Variants in HNRNPC observed in about 807,000 individuals in gnomAD.
HNRNPC encodes heterogeneous nuclear ribonucleoproteins C1/C2.
Under a neutral mutation model 33.2 loss-of-function variants are expected in HNRNPC, and 3 were observed. The ratio of observed to expected loss-of-function variants is 0.09; its 90% CI spans 0.04 to 0.23. The LOEUF is 0.23. HNRNPC is among the 10% of genes least tolerant of loss of function. The pLI is 1.00. For synonymous variants in HNRNPC, 121 were observed against 126.7 expected (o/e 0.96, Z 0.30); for missense variants, 143 against 366.7 (o/e 0.39, Z 4.98).
chr14:21,224,392 A>C (rs1893181029), intron 5 of HNRNPC, among the ~76,000 whole-genome samples: 1 of 152,198 alleles, frequency 6.6e-6, no homozygotes, highest in Non-Finnish European at 1.5e-5. Flanking sequence ...AACCAGCAGC[A>C]AAATTGCTTG....
At chr14:21,238,908 C>T (rs1895032040) in intron 2 of HNRNPC, among the ~76,000 whole-genome samples, 1 of 152,192 alleles carries the variant, frequency 6.6e-6, no homozygotes, top group Admixed American at 6.5e-5. Flanking sequence ...AGGCAGTTCA[C>T]ATCAGGTCAG....
chr14:21,256,263 T>C (rs1258737880), intron 2 of HNRNPC, among the ~76,000 whole-genome samples: 2 of 152,042 alleles, frequency 1.3e-5, no homozygotes, highest in South Asian at 2.1e-4. Flanking sequence ...CTGGCCAACA[T>C]GGTGCAACCC....
chr14:21,239,076 A>G (rs1002106063), intron 2 of HNRNPC, among the ~76,000 whole-genome samples: 1 of 152,074 alleles, frequency 6.6e-6, no homozygotes, highest in Non-Finnish European at 1.5e-5. Flanking sequence ...GTGAGCCGAG[A>G]TCGTGCTAAT....
At chr14:21,231,496 G>C (rs999633157) in intron 3 of HNRNPC, 1 of 421,778 alleles carries the variant, frequency 2.4e-6, no homozygotes, top group Non-Finnish European at 4.8e-6. Context: ...CACCACGCCT[G>C]GTTAATTTTT....
At chr14:21,251,047 G>A (rs1896595609) in intron 2 of HNRNPC, among the ~76,000 whole-genome samples, 1 of 151,992 alleles carries the variant, frequency 6.6e-6, no homozygotes, top group Non-Finnish European at 1.5e-5. Flanking sequence ...AGATCACGAG[G>A]TCAGGAGATC....
intron 5 of HNRNPC, among the ~76,000 whole-genome samples, chr14:21,228,954 G>A (rs1893787037): frequency 6.6e-6 from 1 of 151,512 alleles, no homozygotes; most frequent in Non-Finnish European, 1.5e-5. Flanking sequence ...GAGTGGTGGT[G>A]CATGCCTGTA....
At chr14:21,236,915 C>G (rs1217046352) in intron 2 of HNRNPC, among the ~76,000 whole-genome samples, 1 of 152,090 alleles carries the variant, frequency 6.6e-6, no homozygotes, top group Non-Finnish European at 1.5e-5. Context: ...TAAAGGCAAG[C>G]CAGCATATAT....
intron 2 of HNRNPC, among the ~76,000 whole-genome samples, chr14:21,247,264 A>T (rs1896085363): frequency 6.6e-6 from 1 of 152,204 alleles, no homozygotes; most frequent in Non-Finnish European, 1.5e-5. Flanking sequence ...ATCACTAAAG[A>T]TCACATATAG....
intron 2 of HNRNPC, among the ~76,000 whole-genome samples, chr14:21,247,640 G>A (rs1566631522): frequency 6.6e-6 from 1 of 151,918 alleles, no homozygotes; most frequent in African/African-American, 2.4e-5. Flanking sequence ...GAAGTAAACT[G>A]AAAGTGGATA....
Position 21,222,447 on chromosome 14 carries a change from G to A in HNRNPC, c.365+7872C>T, listed in dbSNP as rs193030697. 6.6e-5 allele frequency among the ~76,000 whole-genome samples: 10 copies of A among 151,736 alleles called. No individual in the cohort carries two copies. The East Asian group carries it at 1.9e-3, about 29-fold the overall frequency. The stretch of plus-strand genomic sequence containing the variant: ...TCATATAAATGGAATCGTACAATGT[G>A]TGTCTTGTGACTGGCTTTGTCTGCT... On this transcript the variant is annotated intron_variant, in intron 5 of 8. Coordinates refer to ENST00000553300, the MANE Select transcript of HNRNPC (RefSeq NM_004500.4).
chr14:21,211,690 T>A, intron 7 of HNRNPC, 120 bp downstream of exon 7: 1 of 1,409,186 alleles, frequency 7.1e-7, no homozygotes, highest in South Asian at 1.3e-5. Flanking sequence ...CCCTTCCCAA[T>A]TCACACTCCC....
At chr14:21,245,910 G>A (rs992396953) in intron 2 of HNRNPC, among the ~76,000 whole-genome samples, 2 of 151,856 alleles carry the variant, frequency 1.3e-5, no homozygotes, top group African/African-American at 4.8e-5. Context: ...CAGTGGCGCA[G>A]TCTCAGTTCA....
chr14:21,218,581 A>C (rs1594207827), intron 5 of HNRNPC, among the ~76,000 whole-genome samples: 2 of 145,568 alleles, frequency 1.4e-5, no homozygotes, highest in Middle Eastern at 7.1e-3. Context: ...CCAGCTACTC[A>C]GGAGGCTGAG....
chr14:21,250,696 A>G (rs953505683), intron 2 of HNRNPC, among the ~76,000 whole-genome samples: 1 of 152,224 alleles, frequency 6.6e-6, no homozygotes, highest in Non-Finnish European at 1.5e-5. Flanking sequence ...ATTATTTCCA[A>G]TGTAAAGTAA....
intron 5 of HNRNPC, among the ~76,000 whole-genome samples, chr14:21,227,896 G>A (rs1244121357): frequency 6.6e-6 from 1 of 152,114 alleles, no homozygotes; most frequent in African/African-American, 2.4e-5. Flanking sequence ...TTATTAAACT[G>A]GTCTGAATTG....
At chr14:21,231,816 A>G (rs1016083360) in intron 3 of HNRNPC, among the ~76,000 whole-genome samples, 1 of 152,212 alleles carries the variant, frequency 6.6e-6, no homozygotes, top group Non-Finnish European at 1.5e-5. Flanking sequence ...AGAGAAAACT[A>G]TCACTGGTTG....
chr14:21,227,408 CATT>C (rs757438450), intron 5 of HNRNPC, among the ~76,000 whole-genome samples: 5 of 152,238 alleles, frequency 3.3e-5, no homozygotes, highest in Non-Finnish European at 5.9e-5. Flanking sequence ...TATCAGTAAT[CATT>C]ATCTACTGGC....
intron 5 of HNRNPC, among the ~76,000 whole-genome samples, chr14:21,217,238 A>G (rs2139494680): frequency 6.6e-6 from 1 of 152,332 alleles, no homozygotes; most frequent in East Asian, 1.9e-4. Flanking sequence ...AAAATAAATC[A>G]ACCAGCAAAA....
chr14:21,255,693 C>T (rs1877062305), intron 2 of HNRNPC, among the ~76,000 whole-genome samples: 1 of 152,174 alleles, frequency 6.6e-6, no homozygotes, highest in African/African-American at 2.4e-5. Context: ...GCACATAGTA[C>T]ACAAGTTTCA....
Sources: gnomAD v4.1 joint callset for allele counts (sites outside exome capture counted in the v4.1 genomes callset) on GRCh38, gnomAD v4.1.1 for gene constraint, MANE v1.5 for transcripts, NCBI Gene and HGNC (gene_info 2026-07-23, HGNC 2026-07-21) for gene names.